The following LARGE1 variants were observed in gnomAD, a reference collection of about 807,000 sequenced individuals.
LARGE1 encodes LARGE xylosyl- and glucuronyltransferase 1, also known as xylosyl- and glucuronyltransferase LARGE1.
A neutral mutation model predicts 87.6 loss-of-function variants in LARGE1; 43 were observed. The ratio of observed to expected loss-of-function variants is 0.49; its 90% CI spans 0.38 to 0.63. The LOEUF is 0.63. Among genes scored for constraint, LARGE1 ranks in the 30% least tolerant of loss-of-function variants. The pLI, the probability that LARGE1 is intolerant of heterozygous loss-of-function variation, is 0.00. For synonymous variants in LARGE1, 434 were observed against 394.6 expected (o/e 1.10, Z -1.18); for missense variants, 802 against 1,000.2 (o/e 0.80, Z 2.67).
At chr22:33,896,644 T>G (rs552273464) in intron 1 of LARGE1, among the ~76,000 whole-genome samples, 4 of 152,326 alleles carry the variant, frequency 2.6e-5, no homozygotes, top group Admixed American at 1.3e-4. Flanking sequence ...CTTGCTAGAA[T>G]GTTCAAACTT....
intron 1 of LARGE1, among the ~76,000 whole-genome samples, chr22:33,877,926 A>AAAT (rs775963370): frequency 3.4e-4 from 51 of 151,666 alleles, no homozygotes; most frequent in East Asian, 1.9e-4. Flanking sequence ...TGTCTCAAAA[A>AAAT]AATAATAATA....
At chr22:33,203,710 G>C (rs73885004) in intron 11 of LARGE1, among the ~76,000 whole-genome samples, 7,344 of 152,240 alleles carry the variant, frequency 0.048, 574 homozygotes, top group African/African-American at 0.17. Flanking sequence ...TTGGGTTTCT[G>C]TGACTTTGCT....
intron 3 of LARGE1, among the ~76,000 whole-genome samples, chr22:33,643,158 C>T (rs2080497935): frequency 6.6e-6 from 1 of 152,132 alleles, no homozygotes; most frequent in Non-Finnish European, 1.5e-5. Flanking sequence ...TAAAACACTC[C>T]TCAGCAAATG....
At chr22:33,293,725 G>A (rs904025582) in intron 12 of LARGE1, among the ~76,000 whole-genome samples, 6 of 152,160 alleles carry the variant, frequency 3.9e-5, no homozygotes, top group African/African-American at 9.7e-5. Flanking sequence ...AAAGTGGAGC[G>A]GAGGTCAGAA....
intron 12 of LARGE1, among the ~76,000 whole-genome samples, chr22:33,299,251 G>C (rs894141923): frequency 6.6e-6 from 1 of 150,510 alleles, no homozygotes; most frequent in Non-Finnish European, 1.5e-5. Flanking sequence ...GAGAGAAAAT[G>C]AGAAAAGAGA....
chr22:33,248,354 AT>A (rs935828598), intron 11 of LARGE1, among the ~76,000 whole-genome samples: 1 of 152,096 alleles, frequency 6.6e-6, no homozygotes, highest in Admixed American at 6.5e-5. Flanking sequence ...CACCTAGCTA[AT>A]TTTTTTGTGT....
intron 2 of LARGE1, among the ~76,000 whole-genome samples, chr22:33,652,977 T>G (rs1265078512): frequency 1.3e-5 from 2 of 152,212 alleles, no homozygotes; most frequent in East Asian, 1.9e-4. Flanking sequence ...ACAGGTTGAT[T>G]AGGGTTGCAT....
chr22:33,367,827 C>T (rs879437744), intron 9 of LARGE1, among the ~76,000 whole-genome samples: 7 of 152,236 alleles, frequency 4.6e-5, no homozygotes, highest in Non-Finnish European at 7.4e-5. Context: ...TAAGGATATA[C>T]ATTTCCTTAC....
At chr22:33,373,444 G>T (rs2064885509) in intron 9 of LARGE1, among the ~76,000 whole-genome samples, 1 of 152,110 alleles carries the variant, frequency 6.6e-6, no homozygotes, top group Non-Finnish European at 1.5e-5. Context: ...ATTTAGAATG[G>T]TAATTTCACT....
intron 6 of LARGE1, among the ~76,000 whole-genome samples, chr22:33,559,662 C>T (rs1228759777): frequency 6.6e-6 from 1 of 152,184 alleles, no homozygotes; most frequent in Non-Finnish European, 1.5e-5. Flanking sequence ...TGCGAGGACA[C>T]AAACCTTCAG....
intron 4 of LARGE1, among the ~76,000 whole-genome samples, chr22:33,619,572 GA>G (rs1399447495): frequency 2.8e-5 from 4 of 145,116 alleles, no homozygotes; most frequent in Admixed American, 6.8e-5. Context: ...AAAAAAAAAA[GA>G]AAAAAAGAAA....
chr22:33,869,544 T>G (rs558404318), intron 1 of LARGE1, among the ~76,000 whole-genome samples: 1 of 152,296 alleles, frequency 6.6e-6, no homozygotes, highest in African/African-American at 2.4e-5. Context: ...TGCAGTGGTT[T>G]GCAGGGGTAC....
In LARGE1 at chr22:33,650,095, A is replaced by G. The variant is rs182482192; in HGVS notation, c.408+272T>C. 3.0e-3 allele frequency among the ~76,000 whole-genome samples: 458 copies of G among 152,308 alleles called. 2 individuals are homozygous for G. Among genetic ancestry groups the G allele is most frequent in the African/African-American group, 0.011 (439 of 41,582 alleles). On this transcript the variant is annotated intron_variant, in intron 3 of 14. Coordinates refer to ENST00000397394, the MANE Select transcript of LARGE1 (RefSeq NM_133642.5). ...ATGTCAAAATGAACCACATAGAAAC[A>G]AGCGGTAGGTTCCATCAGTGAGCTC...
intron 1 of LARGE1, among the ~76,000 whole-genome samples, chr22:33,837,336 CACAT>C (rs58578459): frequency 0.01 from 1,541 of 151,980 alleles, 30 homozygotes; most frequent in African/African-American, 0.035. Flanking sequence ...TATACACACA[CACAT>C]ATATAGTATA....
intron 10 of LARGE1, among the ~76,000 whole-genome samples, chr22:33,331,557 G>C (rs1393278375): frequency 2.6e-5 from 4 of 151,880 alleles, no homozygotes; most frequent in Non-Finnish European, 5.9e-5. Flanking sequence ...ACAGACATGT[G>C]CCACCATGCC....
intron 2 of LARGE1, among the ~76,000 whole-genome samples, chr22:33,760,066 A>G (rs2084666509): frequency 2.0e-5 from 3 of 152,204 alleles, no homozygotes; most frequent in African/African-American, 7.2e-5. Flanking sequence ...TGAAGTGGAG[A>G]TCCTAATTAA....
chr22:33,502,382 A>G (rs4239871), intron 6 of LARGE1, among the ~76,000 whole-genome samples: 106,443 of 151,790 alleles, frequency 0.7, 37,523 homozygotes, highest in East Asian at 0.79. Flanking sequence ...AGGGCCAGAG[A>G]CGGAGGGAGA....
intron 9 of LARGE1, among the ~76,000 whole-genome samples, chr22:33,360,825 T>C (rs1380856001): frequency 2.7e-5 from 4 of 149,918 alleles, no homozygotes; most frequent in African/African-American, 4.9e-5. Flanking sequence ...GCAGGTATCT[T>C]GTCCAGCCCA....
chr22:33,570,906 C>T (rs770623661), intron 5 of LARGE1, among the ~76,000 whole-genome samples: 4 of 152,040 alleles, frequency 2.6e-5, no homozygotes, highest in East Asian at 1.9e-4. Flanking sequence ...GAGAAGAGCA[C>T]CCTCGAAGGC....
Sources: allele counts gnomAD v4.1 joint callset (sites outside exome capture counted in the v4.1 genomes callset), GRCh38; gene constraint gnomAD v4.1.1; transcripts MANE v1.5; gene names NCBI Gene and HGNC (gene_info 2026-07-23, HGNC 2026-07-21).